SNED1: variants seen among roughly 807,000 people sequenced by gnomAD.
The protein encoded by SNED1 is sushi, nidogen and EGF-like domain-containing protein 1.
SNED1 carries 81 observed loss-of-function variants against 166.7 expected under a neutral mutation model. The observed-to-expected ratio is 0.49, with a 90% CI of 0.41 to 0.58. The LOEUF (loss-of-function observed/expected upper bound fraction) is 0.58, where lower values mean the gene tolerates loss of function less well. SNED1 is among the 20% of genes least tolerant of loss of function. SNED1 has a pLI of 0.00. For missense variants in SNED1, 1,604 were observed against 2,000.2 expected (o/e 0.80, Z 3.78); for synonymous variants, 762 against 822.0 (o/e 0.93, Z 1.25).
At chr2:241,050,163 G>GA in intron 12 of SNED1, 1 of 579,524 alleles carries the variant, frequency 1.7e-6, no homozygotes, top group South Asian at 2.1e-5. Flanking sequence ...TTGCTCTTCT[G>GA]AAAATAGGCT....
At chr2:241,071,412 T>C in intron 24 of SNED1, 164 bp from the exon 25 acceptor site, 1 of 747,532 alleles carries the variant, frequency 1.3e-6, no homozygotes, top group Non-Finnish European at 2.2e-6. Context: ...ACCCAGGGCA[T>C]CTGGGGAAGC....
chr2:241,072,032 G>A (rs2125245354), intron 26 of SNED1, 154 bp downstream of exon 26: 2 of 751,402 alleles, frequency 2.7e-6, no homozygotes. Context: ...CAAGGCGCGG[G>A]GCTCGTGGGC....
chr2:241,001,226 A>G (rs1340530940), intron 1 of SNED1, among the ~76,000 whole-genome samples: 1 of 152,226 alleles, frequency 6.6e-6, no homozygotes, highest in African/African-American at 2.4e-5. Flanking sequence ...TCGCTTGACC[A>G]AGAGTAGGCT....
intron 1 of SNED1, among the ~76,000 whole-genome samples, chr2:241,026,009 CTTTT>C (rs71404676): frequency 6.0e-4 from 44 of 73,588 alleles, no homozygotes; most frequent in African/African-American, 1.9e-3. Context: ...TTTTCTTTTC[CTTTT>C]TTTTTTTTTT....
At chr2:241,036,950 G>T in intron 5 of SNED1, 35 bp downstream of exon 5, 1 of 1,581,374 alleles carries the variant, frequency 6.3e-7, no homozygotes, top group Non-Finnish European at 8.6e-7. Context: ...CCACCCGCTG[G>T]CTGCGCTGGG....
chr2:241,018,526 G>T lies in SNED1; in HGVS notation c.214-11758G>T, dbSNP rs574912330. ...TGGTCCCTGGTCAGGAGCCGGGACT[G>T]GCGTTCTCTCTCTTCAGCCAGGAAG... On this transcript the variant is annotated intron_variant, in intron 1 of 31. Coordinates refer to ENST00000310397, the MANE Select transcript of SNED1 (RefSeq NM_001080437.3). This position sits in a 1 kb window ranked among gnomAD's most constrained non-coding sequence, Gnocchi z 5.4. Among the ~76,000 whole-genome samples, 8 of 152,308 alleles carry T rather than the reference G, an allele frequency of 5.3e-5. No homozygotes were observed. Among genetic ancestry groups the T allele is most frequent in the Admixed American group, 4.6e-4 (7 of 15,302 alleles).
chr2:241,062,811 C>G lies in SNED1; in HGVS notation c.2278C>G (p.Gln760Glu). The G allele has an allele frequency of 6.2e-7, 1 of 1,611,060 alleles. No individual in the cohort carries two copies. Among genetic ancestry groups the G allele is most frequent in the South Asian group, 1.1e-5 (1 of 90,172 alleles). ...CTCAGAAATCGATGAGTGCCGGTCTCAGCCGTGCCTGCATGGGGGCTCTTG... is the reference window on the plus strand; with the variant it reads ...CTCAGAAATCGATGAGTGCCGGTCTGAGCCGTGCCTGCATGGGGGCTCTTG... ...QCLEIDECRS[Q>E]PCLHGGSCQD... The change falls in exon 17 of 32, where the codon CAG becomes GAG. Residue 760 changes from glutamine (Q) to glutamate (E), a missense_variant. Transcript: ENST00000310397.
chr2:241,014,191 G>C (rs2060502198), intron 1 of SNED1, among the ~76,000 whole-genome samples: 1 of 151,602 alleles, frequency 6.6e-6, no homozygotes, highest in Non-Finnish European at 1.5e-5. Context: ...GTATTTTTAG[G>C]AGAGACAGGG....
chr2:241,036,663 C>CG, intron 4 of SNED1, 127 bp from the exon 5 acceptor site: 1 of 1,231,328 alleles, frequency 8.1e-7, no homozygotes. Flanking sequence ...TGCTTTGCTG[C>CG]GGTCACCCGG....
intron 1 of SNED1, among the ~76,000 whole-genome samples, chr2:241,012,344 A>G (rs377513420): frequency 6.6e-6 from 1 of 152,254 alleles, no homozygotes; most frequent in Non-Finnish European, 1.5e-5. Context: ...GATCAAACGT[A>G]ACGCAAACCC....
At position 241,082,347 on chromosome 2, in the gene SNED1, A is replaced by G; in HGVS notation, c.4104A>G (p.Gly1368=). The G allele has an allele frequency of 1.2e-6, 2 of 1,612,878 alleles. No homozygotes were observed. Among genetic ancestry groups the G allele is most frequent in the South Asian group, 2.2e-5 (2 of 90,960 alleles). The change falls in exon 29 of 32, where the codon GGA becomes GGG. Residue 1368 remains glycine (G), a synonymous_variant. Transcript: ENST00000310397. ...SETKAFPVWE[G]GVCHHVYKRV... The stretch of plus-strand genomic sequence containing the variant: ...CAAAGGCCTTTCCAGTCTGGGAGGG[A>G]GGCGTCTGTCACCACGTGTAAGTTG...
chr2:241,070,015 G>C lies in SNED1; in HGVS notation c.3403G>C (p.Ala1135Pro). Residue 1135 changes from alanine (A) to proline (P), a missense_variant, in exon 24 of 32, where the codon GCT becomes CCT. Physicochemically the swap from Ala to Pro is conservative, Grantham distance 27. Around this residue, in one of 2 missense-constraint regions of SNED1, gnomAD observed 1,237 missense variants for 1,620.8 expected, o/e 0.76. Transcript: ENST00000310397. ...DAPTPGSLLEAYVINVTTSQS... is the reference protein window; with the variant it reads ...DAPTPGSLLEPYVINVTTSQS... ...CCCGACTCCAGGCAGCTTGCTGGAG[G>C]CTTATGTCATCAATGTGACCACCAG... The C allele has an allele frequency of 6.2e-7, 1 of 1,613,004 alleles. No homozygotes were observed. The highest frequency in any genetic ancestry group is 8.5e-7 in the Non-Finnish European group (1 of 1,179,896).
chr2:241,029,446 T>C (rs1324210877), intron 1 of SNED1, among the ~76,000 whole-genome samples: 1 of 152,134 alleles, frequency 6.6e-6, no homozygotes, highest in African/African-American at 2.4e-5. Flanking sequence ...ACTAATCCCA[T>C]TCACCAGGGC....
intron 1 of SNED1, among the ~76,000 whole-genome samples, chr2:241,004,115 G>A (rs1470292302): frequency 3.3e-5 from 5 of 152,226 alleles, no homozygotes; most frequent in African/African-American, 1.2e-4. Context: ...GGCACAAAAT[G>A]ATCCCCACAT....
intron 14 of SNED1, 55 bp from the exon 15 acceptor site, chr2:241,052,300 A>G (rs1215399806): frequency 4.4e-5 from 66 of 1,493,810 alleles, no homozygotes; most frequent in Non-Finnish European, 5.8e-5. Flanking sequence ...TGCCCCACAC[A>G]GTCCCGAGCC....
chr2:240,998,302 C>T (rs1435200151), upstream of SNED1, among the ~76,000 whole-genome samples: 1 of 152,246 alleles, frequency 6.6e-6, no homozygotes, highest in Non-Finnish European at 1.5e-5. Context: ...TCCCCTCCCG[C>T]CCCCCGCGTG....
At position 241,068,005 on chromosome 2, in the gene SNED1, G is replaced by A; in HGVS notation, c.3194+58G>A. 6.8e-7 allele frequency: 1 copy of A among 1,475,772 alleles called. No individual in the cohort carries two copies. Among genetic ancestry groups the A allele is most frequent in the Non-Finnish European group, 9.3e-7 (1 of 1,074,090 alleles). 91.4% of individuals were successfully genotyped at this position (1,475,772 alleles called of 1,614,324 possible). A position where few individuals can be genotyped will look rare whatever the true frequency, so the allele number is the denominator to read the frequency against. On this transcript the variant is annotated intron_variant, in intron 22 of 31. Coordinates refer to ENST00000310397, the MANE Select transcript of SNED1 (RefSeq NM_001080437.3). This position sits in a 1 kb window ranked among gnomAD's most constrained non-coding sequence, Gnocchi z 5.3. ...GTGAAGGCAGGGGTGGGGGCTCGGG[G>A]ACACGGGGCCCAGGTCTCGGGCACA...
rs2062823206 is a variant in SNED1 at position 241,073,180 on chromosome 2, A to C, written c.3818-86A>C. On this transcript the variant is annotated intron_variant, in intron 26 of 31. Transcript: ENST00000310397. The surrounding 1 kb of genome is among the most constrained non-coding windows in gnomAD (Gnocchi z 6.6). Reference sequence around the variant, plus strand: ...ACCAGGGACATCCGTGCTCCCTGAGATATAGAAGCACTCAAAAGGGTGGCC... The same window carrying C: ...ACCAGGGACATCCGTGCTCCCTGAGCTATAGAAGCACTCAAAAGGGTGGCC... 1.1e-6 allele frequency: 1 copy of C among 948,032 alleles called. No homozygotes were observed. Among genetic ancestry groups the C allele is most frequent in the Admixed American group, 2.2e-5 (1 of 45,776 alleles). The allele number at this position is 948,032 out of a possible 1,614,324, so 58.7% of individuals were successfully genotyped here. A position where few individuals can be genotyped will look rare whatever the true frequency, so the allele number is the denominator to read the frequency against.
Position 241,071,654 on chromosome 2 carries a change from C to T in SNED1, c.3668C>T (p.Ala1223Val), listed in dbSNP as rs963156968. Residue 1223 changes from alanine (A) to valine (V), a missense_variant, in exon 25 of 32, where the codon GCG (alanine) becomes GTG (valine). Coordinates refer to ENST00000310397, the MANE Select transcript of SNED1 (RefSeq NM_001080437.3). ...GTGCTCAAGAACAGACCGCCCCCGGCGCGCCTGCCGGAGCTGCGCCTGCTC... is the reference window on the plus strand; with the variant it reads ...GTGCTCAAGAACAGACCGCCCCCGGTGCGCCTGCCGGAGCTGCGCCTGCTC... Reference protein sequence around the residue: ...PRVLKNRPPPARLPELRLLND... With the variant: ...PRVLKNRPPPVRLPELRLLND... 1.4e-4 allele frequency: 226 copies of T among 1,569,334 alleles called. No individual in the cohort carries two copies. The highest frequency in any genetic ancestry group is 1.8e-4 in the Non-Finnish European group (206 of 1,164,736).
Sources: allele counts gnomAD v4.1 joint callset (sites outside exome capture counted in the v4.1 genomes callset), GRCh38; gene constraint gnomAD v4.1.1; regional missense constraint gnomAD v4.1.1; non-coding constraint Gnocchi (gnomAD v3.1); transcripts MANE v1.5; gene names NCBI Gene and HGNC (gene_info 2026-07-23, HGNC 2026-07-21).